Variants in FSTL4 observed in about 807,000 individuals in gnomAD.
The protein encoded by FSTL4 is follistatin-related protein 4.
In FSTL4, 28 loss-of-function variants were observed where a neutral mutation model predicts 78.2. The observed-to-expected ratio is 0.36, with a 90% confidence interval of 0.27 to 0.49. FSTL4 has a LOEUF of 0.49. Ranked by LOEUF, FSTL4 falls within the 20% of genes least tolerant of loss-of-function variation. The pLI, the probability that FSTL4 is intolerant of heterozygous loss-of-function variation, is 0.98. For synonymous variants in FSTL4, 422 were observed against 440.5 expected (o/e 0.96, Z 0.53); for missense variants, 922 against 1,084.9 (o/e 0.85, Z 2.11).
At chr5:133,700,680 C>T in the FSTL4 span, among the ~76,000 whole-genome samples, 2,131 of 152,362 alleles carry the variant, frequency 0.014, 53 homozygotes, top group African/African-American at 0.048. Context: ...TGAACCCAGG[C>T]AGCTCATTCT....
At chr5:133,657,771 T>G in the FSTL4 span, among the ~76,000 whole-genome samples, 6 of 108,856 alleles carry the variant, frequency 5.5e-5, no homozygotes, top group African/African-American at 1.2e-4. Flanking sequence ...TTTTTGTTTT[T>G]TTTGTTTTTT....
At chr5:133,218,544 C>T (rs988145693) in intron 12 of FSTL4, among the ~76,000 whole-genome samples, 1 of 152,214 alleles carries the variant, frequency 6.6e-6, no homozygotes, top group African/African-American at 2.4e-5. Context: ...AGGCCCTCTA[C>T]ATTCGGTCTG....
chr5:133,607,073 AACAGGAAAACAC>A (rs1760993020), intron 1 of FSTL4, among the ~76,000 whole-genome samples: 1 of 136,758 alleles, frequency 7.3e-6, no homozygotes, highest in Non-Finnish European at 1.6e-5. Flanking sequence ...AAACTCTGGA[AACAGGAAAACAC>A]ATGAGCCAGG....
intron 4 of FSTL4, among the ~76,000 whole-genome samples, chr5:133,394,585 C>T (rs973343470): frequency 6.6e-6 from 1 of 152,262 alleles, no homozygotes; most frequent in Non-Finnish European, 1.5e-5. Flanking sequence ...TCAGCTGCCT[C>T]CCCGCAGGGC....
intron 4 of FSTL4, among the ~76,000 whole-genome samples, chr5:133,373,144 A>C (rs1341150277): frequency 1.3e-5 from 2 of 152,200 alleles, no homozygotes; most frequent in Non-Finnish European, 2.9e-5. Flanking sequence ...AGGTGGAATA[A>C]AATTTTCATA....
intron 3 of FSTL4, among the ~76,000 whole-genome samples, chr5:133,414,683 T>C (rs1179244589): frequency 1.1e-4 from 16 of 152,238 alleles, no homozygotes; most frequent in Non-Finnish European, 1.5e-5. Context: ...AAAAGTCAGA[T>C]TATGACTTTT....
At chr5:133,601,227 G>C (rs779845768) in intron 2 of FSTL4, among the ~76,000 whole-genome samples, 120 of 152,280 alleles carry the variant, frequency 7.9e-4, no homozygotes, top group Admixed American at 3.3e-3. Flanking sequence ...TTTATGACCA[G>C]GACCAAAGGT....
chr5:133,704,267 T>C, the FSTL4 span, among the ~76,000 whole-genome samples: 5 of 152,328 alleles, frequency 3.3e-5, no homozygotes, highest in South Asian at 1.0e-3. Flanking sequence ...TTTTGGCTAA[T>C]TGTTCTAAGA....
chr5:133,433,622 G>T (rs768300015), intron 3 of FSTL4, among the ~76,000 whole-genome samples: 2 of 152,208 alleles, frequency 1.3e-5, no homozygotes, highest in Non-Finnish European at 2.9e-5. Context: ...AATACAGAAA[G>T]GAGTCAGTTA....
chr5:133,624,337 G>T, the FSTL4 span, among the ~76,000 whole-genome samples: 1 of 151,316 alleles, frequency 6.6e-6, no homozygotes, highest in South Asian at 2.1e-4. Flanking sequence ...GTGAAAGAAG[G>T]CATACACAAA....
At chr5:133,380,313 T>A (rs966560698) in intron 4 of FSTL4, among the ~76,000 whole-genome samples, 1 of 150,930 alleles carries the variant, frequency 6.6e-6, no homozygotes, top group South Asian at 2.1e-4. Context: ...AACAAAAAAA[T>A]TTTTTAGAAG....
chr5:133,525,111 C>T (rs537033851), intron 3 of FSTL4, among the ~76,000 whole-genome samples: 26 of 152,126 alleles, frequency 1.7e-4, no homozygotes, highest in Admixed American at 5.2e-4. Context: ...GGCCCACAGT[C>T]GATATGTCAG....
the FSTL4 span, among the ~76,000 whole-genome samples, chr5:133,796,153 A>G: frequency 6.6e-6 from 1 of 152,206 alleles, no homozygotes; most frequent in East Asian, 1.9e-4. Context: ...GTGCTACTGG[A>G]ATGGGAGAGT....
the FSTL4 span, among the ~76,000 whole-genome samples, chr5:133,619,192 G>A: frequency 6.6e-6 from 1 of 152,042 alleles, no homozygotes; most frequent in African/African-American, 2.4e-5. Context: ...TTTCCCTCTT[G>A]ATACTTTCAT....
At chr5:133,644,624 G>T in the FSTL4 span, among the ~76,000 whole-genome samples, 1 of 152,116 alleles carries the variant, frequency 6.6e-6, no homozygotes, top group African/African-American at 2.4e-5. Flanking sequence ...CCAACTGGAA[G>T]TTTCCTACTC....
intron 2 of FSTL4, among the ~76,000 whole-genome samples, chr5:133,592,449 A>C (rs1482019366): frequency 2.6e-5 from 4 of 152,242 alleles, no homozygotes; most frequent in African/African-American, 9.6e-5. Context: ...CTCATCTGGA[A>C]TGGATAACGA....
At chr5:133,726,341 T>C in the FSTL4 span, among the ~76,000 whole-genome samples, 65 of 152,332 alleles carry the variant, frequency 4.3e-4, no homozygotes, top group African/African-American at 1.4e-3. Context: ...CCATCGACTC[T>C]GAGCACAACA....
intron 4 of FSTL4, among the ~76,000 whole-genome samples, chr5:133,384,051 G>A (rs1755640691): frequency 1.3e-5 from 2 of 152,184 alleles, no homozygotes; most frequent in African/African-American, 4.8e-5. Flanking sequence ...GAAGACTGCT[G>A]GGAAAAATGT....
At chr5:133,776,355 C>G in the FSTL4 span, among the ~76,000 whole-genome samples, 1 of 152,200 alleles carries the variant, frequency 6.6e-6, no homozygotes, top group Non-Finnish European at 1.5e-5. Flanking sequence ...CAGCCTCTCT[C>G]TTATGGCTAC....
Sources: allele counts gnomAD v4.1 joint callset (sites outside exome capture counted in the v4.1 genomes callset), GRCh38; gene constraint gnomAD v4.1.1; transcripts MANE v1.5; gene names NCBI Gene and HGNC (gene_info 2026-07-23, HGNC 2026-07-21).